Variants in FAM107B observed in about 807,000 individuals in gnomAD.
FAM107B encodes family with sequence similarity 107 member B.
In FAM107B, 21 loss-of-function variants were observed where a neutral mutation model predicts 31.5. That is an observed-to-expected ratio of 0.67 (90% CI 0.47 to 0.96). The LOEUF (loss-of-function observed/expected upper bound fraction) is 0.96. FAM107B is among the 40% of genes least tolerant of loss of function. The pLI is 0.00. For missense variants in FAM107B, 452 were observed against 377.1 expected, an observed-to-expected ratio of 1.20 and a Z score of -1.64; for synonymous variants, 157 against 141.5, an observed-to-expected ratio of 1.11 and a Z score of -0.78.
chr10:14,647,651 A>C (rs1485859874), intron 2 of FAM107B, among the ~76,000 whole-genome samples: 3 of 148,372 alleles, frequency 2.0e-5, no homozygotes, highest in Non-Finnish European at 4.4e-5. Flanking sequence ...GTGCCATTGC[A>C]CTCCAACCTG....
At chr10:14,714,500 G>A (rs1855737523) in intron 1 of FAM107B, among the ~76,000 whole-genome samples, 2 of 152,220 alleles carry the variant, frequency 1.3e-5, no homozygotes, top group Non-Finnish European at 2.9e-5. Flanking sequence ...AGGCTCAAAA[G>A]GCCCTAAGAT....
intron 2 of FAM107B, among the ~76,000 whole-genome samples, chr10:14,622,540 C>T (rs1341177718): frequency 4.6e-5 from 7 of 152,064 alleles, no homozygotes; most frequent in African/African-American, 9.7e-5. Context: ...CTCCTGACCT[C>T]GTGATCCACC....
At chr10:14,607,889 A>G (rs1264237772) in intron 2 of FAM107B, among the ~76,000 whole-genome samples, 1 of 152,162 alleles carries the variant, frequency 6.6e-6, no homozygotes, top group Non-Finnish European at 1.5e-5. Context: ...CATACATAAT[A>G]ATTTTCCATT....
chr10:14,664,929 A>T (rs967356748), intron 2 of FAM107B, among the ~76,000 whole-genome samples: 2 of 152,238 alleles, frequency 1.3e-5, no homozygotes, highest in Non-Finnish European at 2.9e-5. Context: ...AAACACAAGT[A>T]CACCCAAAGC....
chr10:14,743,213 T>G (rs1471650002), intron 1 of FAM107B, among the ~76,000 whole-genome samples: 1 of 150,908 alleles, frequency 6.6e-6, no homozygotes, highest in East Asian at 1.9e-4. Flanking sequence ...ATTTTAATGG[T>G]TTTTTTCTTG....
chr10:14,686,392 CA>C (rs61066393), intron 1 of FAM107B, among the ~76,000 whole-genome samples: 2,401 of 125,658 alleles, frequency 0.019, 50 homozygotes, highest in African/African-American at 0.056. Flanking sequence ...CTGCATGTCT[CA>C]AAAAAAAAAA....
At chr10:14,580,532 A>G (rs1478616687) in intron 2 of FAM107B, among the ~76,000 whole-genome samples, 5 of 152,178 alleles carry the variant, frequency 3.3e-5, no homozygotes, top group Middle Eastern at 3.2e-3. Flanking sequence ...AAAAATAAGT[A>G]TCCATCTTCT....
At chr10:14,718,267 C>T (rs541146108) in intron 1 of FAM107B, among the ~76,000 whole-genome samples, 2 of 152,076 alleles carry the variant, frequency 1.3e-5, no homozygotes, top group African/African-American at 4.8e-5. Context: ...GCGGAGGTTG[C>T]AGTGAGCCAA....
In FAM107B at chr10:14,594,245, T is replaced by A. The variant is rs1852108363; in HGVS notation, c.470-63730A>T. On this transcript the variant is annotated intron_variant, in intron 2 of 4. Coordinates refer to ENST00000181796, the MANE Select transcript of FAM107B (RefSeq NM_031453.4). ...AACTACAATTTTCAGCCAGGCACGG[T>A]GGCTCACACCCGTACTTTGGGAGGC... Among the ~76,000 whole-genome samples the A allele has an allele frequency of 2.0e-5, 3 of 152,296 alleles. No homozygotes were observed. The South Asian group carries it at 6.2e-4, about 32-fold the overall frequency.
intron 2 of FAM107B, among the ~76,000 whole-genome samples, chr10:14,582,621 C>T (rs1362622471): frequency 6.6e-6 from 1 of 151,788 alleles, no homozygotes; most frequent in Non-Finnish European, 1.5e-5. Context: ...TTGTGATCTG[C>T]CCCCCTCGGC....
intron 2 of FAM107B, among the ~76,000 whole-genome samples, chr10:14,620,747 G>T (rs577745851): frequency 6.6e-6 from 1 of 151,946 alleles, no homozygotes; most frequent in African/African-American, 2.4e-5. Context: ...TGTTCTTATT[G>T]TTCAACTCCC....
chr10:14,757,501 A>G (rs1433051496), intron 1 of FAM107B, among the ~76,000 whole-genome samples: 2 of 152,146 alleles, frequency 1.3e-5, no homozygotes, highest in Non-Finnish European at 1.5e-5. Context: ...GTTTCTTGAA[A>G]GAACCCTGGC....
intron 1 of FAM107B, among the ~76,000 whole-genome samples, chr10:14,680,819 A>T (rs1246349175): frequency 6.6e-6 from 1 of 152,076 alleles, no homozygotes; most frequent in Non-Finnish European, 1.5e-5. Flanking sequence ...CTTCATCAAG[A>T]CTTCATTGGA....
chr10:14,638,545 A>G (rs1166745820), intron 2 of FAM107B, among the ~76,000 whole-genome samples: 5 of 152,140 alleles, frequency 3.3e-5, no homozygotes, highest in African/African-American at 9.7e-5. Context: ...CCTCTTAGAA[A>G]TAGTTTTCTT....
chr10:14,772,060 T>C (rs369784476), intron 1 of FAM107B, among the ~76,000 whole-genome samples: 3 of 152,176 alleles, frequency 2.0e-5, no homozygotes, highest in African/African-American at 7.2e-5. Flanking sequence ...ATGGGCACCA[T>C]AAGAATATGC....
chr10:14,582,784 T>C (rs1246269891), intron 2 of FAM107B, among the ~76,000 whole-genome samples: 4 of 152,068 alleles, frequency 2.6e-5, no homozygotes, highest in African/African-American at 9.7e-5. Context: ...TATTATTTTA[T>C]TGATAAGAAA....
chr10:14,652,733 T>C (rs1853933143), intron 2 of FAM107B: 1 of 152,168 alleles, frequency 6.6e-6, no homozygotes, highest in Non-Finnish European at 1.5e-5. Context: ...TGTTCAGTTG[T>C]GAGAAAAGAC....
chr10:14,672,603 G>T (rs933354206), intron 1 of FAM107B, among the ~76,000 whole-genome samples: 3 of 152,164 alleles, frequency 2.0e-5, no homozygotes, highest in African/African-American at 7.2e-5. Context: ...TCTATATGGG[G>T]TCTGTTGCTG....
At chr10:14,658,269 T>C (rs17155695) in intron 2 of FAM107B, among the ~76,000 whole-genome samples, 16,411 of 152,204 alleles carry the variant, frequency 0.11, 3,026 homozygotes, top group African/African-American at 0.37. Context: ...AAAGTCATCA[T>C]CTACAACCCC....
Sources: gnomAD v4.1 joint callset for allele counts (sites outside exome capture counted in the v4.1 genomes callset) on GRCh38, gnomAD v4.1.1 for gene constraint, MANE v1.5 for transcripts, NCBI Gene and HGNC (gene_info 2026-07-23, HGNC 2026-07-21) for gene names.